Variants in MGMT observed in about 807,000 individuals in gnomAD.
MGMT encodes methylated-DNA--protein-cysteine methyltransferase.
MGMT carries 14 observed loss-of-function variants against 15.9 expected under a neutral mutation model. The observed-to-expected ratio is 0.88, with a 90% CI of 0.58 to 1.37. MGMT has a LOEUF of 1.37. Ranked by LOEUF, MGMT falls within the 40% of genes most tolerant of loss-of-function variation. MGMT has a pLI of 0.00. For missense variants in MGMT, 282 were observed against 268.1 expected (o/e 1.05, Z -0.36); for synonymous variants, 130 against 118.2 (o/e 1.10, Z -0.65).
chr10:129,557,118 A>G (rs1407411009), intron 2 of MGMT, among the ~76,000 whole-genome samples: 1 of 152,214 alleles, frequency 6.6e-6, no homozygotes, highest in Non-Finnish European at 1.5e-5. Context: ...CTCATTATCC[A>G]AATACAATAA....
At chr10:129,553,459 GCATCTGTT>G (rs970284931) in intron 2 of MGMT, among the ~76,000 whole-genome samples, 21 of 152,184 alleles carry the variant, frequency 1.4e-4, no homozygotes, top group African/African-American at 5.1e-4. Context: ...AGTGGTTTTT[GCATCTGTT>G]CACCAGCGCA....
chr10:129,765,913 CCAGA>C (rs1248787659), intron 4 of MGMT, among the ~76,000 whole-genome samples: 1 of 152,170 alleles, frequency 6.6e-6, no homozygotes, highest in Middle Eastern at 3.2e-3. Flanking sequence ...AGAGCTTCAG[CCAGA>C]CAGTGGACCC....
At chr10:129,554,153 A>G (rs1846188259) in intron 2 of MGMT, among the ~76,000 whole-genome samples, 1 of 152,202 alleles carries the variant, frequency 6.6e-6, no homozygotes. Flanking sequence ...CTGAACACCT[A>G]TTCTGTGACC....
At chr10:129,665,172 T>C (rs375731487) in intron 2 of MGMT, among the ~76,000 whole-genome samples, 1,059 of 60,972 alleles carry the variant, frequency 0.017, 20 homozygotes, top group African/African-American at 0.044. Context: ...CTCTCTCTCT[T>C]CACCCACTCA....
chr10:129,628,693 T>G (rs558764), intron 2 of MGMT, among the ~76,000 whole-genome samples: 63,630 of 152,028 alleles, frequency 0.42, 14,218 homozygotes, highest in East Asian at 0.62. Context: ...AACGCATCTG[T>G]AACTGTGGGT....
chr10:129,572,161 C>T (rs1846427486), intron 2 of MGMT, among the ~76,000 whole-genome samples: 1 of 152,028 alleles, frequency 6.6e-6, no homozygotes, highest in Non-Finnish European at 1.5e-5. Flanking sequence ...TTTAAATAAA[C>T]GGCTTTGATG....
chr10:129,646,044 T>C (rs1314336200), intron 2 of MGMT, among the ~76,000 whole-genome samples: 2 of 151,864 alleles, frequency 1.3e-5, no homozygotes, highest in Non-Finnish European at 2.9e-5. Context: ...CACTTACTAA[T>C]AGCATTTGTT....
intron 1 of MGMT, among the ~76,000 whole-genome samples, chr10:129,470,061 A>G (rs1376548143): frequency 6.6e-6 from 1 of 152,190 alleles, no homozygotes; most frequent in Admixed American, 6.5e-5. Context: ...ATCAGAGAAG[A>G]CACATAAACC....
chr10:129,694,733 C>T (rs995728627), intron 2 of MGMT, among the ~76,000 whole-genome samples: 6 of 152,038 alleles, frequency 3.9e-5, no homozygotes, highest in Admixed American at 6.6e-5. Context: ...TGTAGCTGAA[C>T]CAAGTTTGAG....
chr10:129,714,421 A>G (rs1321115287), intron 3 of MGMT, among the ~76,000 whole-genome samples: 1 of 152,194 alleles, frequency 6.6e-6, no homozygotes, highest in Non-Finnish European at 1.5e-5. Context: ...GAGTTTTTAA[A>G]GTTTCAACAA....
rs998947149 is a variant in MGMT at position 129,566,239 on chromosome 10, A to G, written c.125+29862A>G. On this transcript the variant is annotated intron_variant, in intron 2 of 4. Coordinates refer to ENST00000651593, the MANE Select transcript of MGMT (RefSeq NM_002412.5). The surrounding 1 kb of genome is among the most constrained non-coding windows in gnomAD (Gnocchi z 4.1). Reference sequence around the variant, plus strand: ...CCTGCTTCTTGGCTGTCTAGGTGCCAGGGGCTCGGGACACAGAGCTCCTGG... The same window carrying G: ...CCTGCTTCTTGGCTGTCTAGGTGCCGGGGGCTCGGGACACAGAGCTCCTGG... Among the ~76,000 whole-genome samples the G allele has an allele frequency of 6.6e-6, 1 of 152,162 alleles. No homozygotes were observed. Among genetic ancestry groups the G allele is most frequent in the African/African-American group, 2.4e-5 (1 of 41,440 alleles).
intron 2 of MGMT, among the ~76,000 whole-genome samples, chr10:129,540,479 GA>G (rs1846031640): frequency 6.6e-6 from 1 of 152,204 alleles, no homozygotes; most frequent in African/African-American, 2.4e-5. Context: ...TTTCACCAGT[GA>G]GGACTTGCTC....
At chr10:129,763,107 T>A (rs542937860) in intron 4 of MGMT, among the ~76,000 whole-genome samples, 5 of 152,222 alleles carry the variant, frequency 3.3e-5, no homozygotes, top group Non-Finnish European at 7.3e-5. Flanking sequence ...GGAAGTTTTA[T>A]AGCGTTTGAG....
chr10:129,632,342 T>C (rs1204220808), intron 2 of MGMT, among the ~76,000 whole-genome samples: 1 of 152,214 alleles, frequency 6.6e-6, no homozygotes, highest in Non-Finnish European at 1.5e-5. Context: ...TTTCTTAAAC[T>C]GTATCTCAGT....
At chr10:129,720,548 C>A (rs1564773661) in intron 3 of MGMT, among the ~76,000 whole-genome samples, 1 of 152,178 alleles carries the variant, frequency 6.6e-6, no homozygotes, top group Non-Finnish European at 1.5e-5. Flanking sequence ...CAGTTATGGA[C>A]AAAATGGACT....
intron 1 of MGMT, among the ~76,000 whole-genome samples, chr10:129,484,037 CTG>C (rs1408606945): frequency 6.6e-6 from 1 of 152,128 alleles, no homozygotes; most frequent in Non-Finnish European, 1.5e-5. Flanking sequence ...AAAATTTTGA[CTG>C]TATTTCAACT....
intron 1 of MGMT, among the ~76,000 whole-genome samples, chr10:129,476,766 C>T (rs1315905322): frequency 1.3e-5 from 2 of 152,098 alleles, no homozygotes; most frequent in African/African-American, 4.8e-5. Flanking sequence ...GGGCCGGGGA[C>T]CCTCCCAACT....
chr10:129,654,353 C>T (rs1305883372), intron 2 of MGMT, among the ~76,000 whole-genome samples: 1 of 152,098 alleles, frequency 6.6e-6, no homozygotes, highest in Non-Finnish European at 1.5e-5. Flanking sequence ...AGGACCTGCA[C>T]GCGGGGTCGG....
At chr10:129,695,874 G>A (rs1214438490) in intron 2 of MGMT, among the ~76,000 whole-genome samples, 1 of 152,122 alleles carries the variant, frequency 6.6e-6, no homozygotes, top group African/African-American at 2.4e-5. Context: ...TGGGGTACTC[G>A]GCACTTTGCT....
Sources: allele counts gnomAD v4.1 joint callset (sites outside exome capture counted in the v4.1 genomes callset), GRCh38; gene constraint gnomAD v4.1.1; non-coding constraint Gnocchi (gnomAD v3.1); transcripts MANE v1.5; gene names NCBI Gene and HGNC (gene_info 2026-07-23, HGNC 2026-07-21).